NPC1L1: variants seen among roughly 807,000 people sequenced by gnomAD.
NPC1L1 encodes NPC1-like intracellular cholesterol transporter 1.
A neutral mutation model predicts 117.0 loss-of-function variants in NPC1L1; 98 were observed. That is an observed-to-expected ratio of 0.84 (90% confidence interval 0.71 to 0.99). The LOEUF is 0.99. NPC1L1 is among the 50% of genes least tolerant of loss of function. NPC1L1 has a pLI of 0.00. For missense variants in NPC1L1, 1,540 were observed against 1,710.0 expected (o/e 0.90, Z 1.75); for synonymous variants, 729 against 727.6 (o/e 1.00, Z -0.03).
intron 14 of NPC1L1, 103 bp from the exon 15 acceptor site, chr7:44,517,460 G>T: frequency 7.1e-7 from 1 of 1,407,712 alleles, no homozygotes; most frequent in Non-Finnish European, 9.9e-7. Context: ...ATGTGATCAA[G>T]CGGGGTTCAG....
chr7:44,531,896 T>C, intron 9 of NPC1L1, 52 bp from the exon 10 acceptor site: 1 of 1,537,660 alleles, frequency 6.5e-7, no homozygotes, highest in Non-Finnish European at 8.8e-7. Context: ...CCGTCCCCCA[T>C]CTCCCCACAA....
At chr7:44,526,546 C>CAAAAAAA (rs372498105) in intron 10 of NPC1L1, among the ~76,000 whole-genome samples, 17 of 68,346 alleles carry the variant, frequency 2.5e-4, no homozygotes, top group African/African-American at 1.2e-3. Flanking sequence ...GACTCCATCT[C>CAAAAAAA]AAAAAAAAAA....
At position 44,515,980 on chromosome 7, in the gene NPC1L1, G is replaced by C; in HGVS notation, c.3634-15C>G. ...CCTGCAAACACCTGGGGGGTTCAGA[G>C]CCAGGTGTCAGGCAGGGCACAGGGC... On this transcript the variant is annotated splice_polypyrimidine_tract_variant and intron_variant, in intron 17 of 18. Transcript: ENST00000381160. 1 of 1,613,418 alleles carries C rather than the reference G, an allele frequency of 6.2e-7. No homozygotes were observed. Among genetic ancestry groups the C allele is most frequent in the Non-Finnish European group, 8.5e-7 (1 of 1,179,690 alleles).
intron 14 of NPC1L1, among the ~76,000 whole-genome samples, chr7:44,520,209 A>G (rs1453290796): frequency 1.3e-5 from 2 of 151,710 alleles, no homozygotes; most frequent in African/African-American, 2.4e-5. Context: ...GAACCCGGAA[A>G]GTGGAGGTTG....
Position 44,535,978 on chromosome 7 carries a change from C to T in NPC1L1, c.1855-10G>A, listed in dbSNP as rs144968684. ...CGTCTTCCAGAGAGCGCTGTGGACA[C>T]ACACCCGACCAGCCCCCACTGACCG... On this transcript the variant is annotated splice_polypyrimidine_tract_variant and intron_variant, in intron 4 of 18. Coordinates refer to ENST00000381160, the MANE Select transcript of NPC1L1 (RefSeq NM_001101648.2). 1.0e-4 allele frequency: 161 copies of T among 1,612,748 alleles called. No homozygotes were observed. Among genetic ancestry groups the T allele is most frequent in the Non-Finnish European group, 1.3e-4 (155 of 1,179,986 alleles).
In NPC1L1 at chr7:44,534,739, G is replaced by A; in HGVS notation, c.1984-110C>T. ...CCGGCAGGCACCCTCAGTGCCTGCA[G>A]GTGCCCGATACTGCCCCCAGTGGTG... On this transcript the variant is annotated intron_variant, in intron 5 of 18. Coordinates refer to ENST00000381160, the MANE Select transcript of NPC1L1 (RefSeq NM_001101648.2). The surrounding 1 kb of genome is among the most constrained non-coding windows in gnomAD (Gnocchi z 5.2). 1 of 1,127,852 alleles carries A rather than the reference G, an allele frequency of 8.9e-7. No homozygotes were observed. The highest frequency in any genetic ancestry group is 1.3e-6 in the Non-Finnish European group (1 of 767,834). 69.9% of individuals were successfully genotyped at this position (1,127,852 alleles called of 1,614,324 possible).
At chr7:44,535,285 A>ACCCAGGAG (rs923687012) in intron 5 of NPC1L1, among the ~76,000 whole-genome samples, 26 of 151,784 alleles carry the variant, frequency 1.7e-4, no homozygotes, top group Admixed American at 7.9e-4. Flanking sequence ...CAATTGTTGA[A>ACCCAGGAG]CCCAGGAGGC....
chr7:44,524,874 TAAAAAAGAGCAA>T (rs1463890295), intron 10 of NPC1L1, among the ~76,000 whole-genome samples: 6 of 151,274 alleles, frequency 4.0e-5, no homozygotes, highest in Non-Finnish European at 8.8e-5. Context: ...GGAGGAAACA[TAAAAAAGAGCAA>T]AAAAACTCTG....
rs768170254 is a variant in NPC1L1, at chr7:44,520,952, CA to C, written c.3080+39del. ...ATATTCAACCCCATCCTGTGTCCCACATGTCTGTCCTCCCCAGCAGAAGGCC... is the reference window on the plus strand; with the variant it reads ...ATATTCAACCCCATCCTGTGTCCCACTGTCTGTCCTCCCCAGCAGAAGGCC... On this transcript the variant is annotated intron_variant, in intron 13 of 18. Transcript: ENST00000381160. 2.5e-6 allele frequency: 4 copies of C among 1,614,196 alleles called. No individual in the cohort carries two copies. In the South Asian group the frequency reaches 4.4e-5, roughly 18 times the overall value.
rs1356039090 is a variant in NPC1L1, at chr7:44,536,502, C to T, written c.1682-74G>A. On this transcript the variant is annotated intron_variant, in intron 3 of 18. Coordinates refer to ENST00000381160, the MANE Select transcript of NPC1L1 (RefSeq NM_001101648.2). The surrounding 1 kb of genome is among the most constrained non-coding windows in gnomAD (Gnocchi z 4.7). ...CCCCCTCCAGCTGCACCCCTATATT[C>T]CCTCCCCCTATCTAGCTGCACCCCT... 6.7e-7 allele frequency: 1 copy of T among 1,501,898 alleles called. No homozygotes were observed. Among genetic ancestry groups the T allele is most frequent in the East Asian group, 2.3e-5 (1 of 43,956 alleles). The allele number at this position is 1,501,898 out of a possible 1,614,324, so 93.0% of individuals were successfully genotyped here. A position where few individuals can be genotyped will look rare whatever the true frequency, so the allele number is the denominator to read the frequency against.
chr7:44,531,973 G>A, intron 9 of NPC1L1, 107 bp downstream of exon 9: 1 of 1,556,492 alleles, frequency 6.4e-7, no homozygotes, highest in Non-Finnish European at 8.8e-7. Flanking sequence ...CCAGCCCCAA[G>A]TATCAGCATT....
intron 5 of NPC1L1, 63 bp downstream of exon 5, chr7:44,535,777 G>T (rs1412728668): frequency 1.2e-6 from 2 of 1,608,266 alleles, no homozygotes; most frequent in Non-Finnish European, 1.7e-6. Context: ...GTTGTAGAAG[G>T]CCTACTGAAG....
Position 44,531,736 on chromosome 7 carries a change from G to A in NPC1L1, c.2637+19C>T. ...CCCAAATCCCAGGGGCCTAAGGGTT[G>A]AGAAGGGCCTGGGCTCACCTTGGGC... On this transcript the variant is annotated intron_variant, in intron 10 of 18. Transcript: ENST00000381160. 6.4e-7 allele frequency: 1 copy of A among 1,557,598 alleles called. No individual in the cohort carries two copies. The highest frequency in any genetic ancestry group is 8.7e-7 in the Non-Finnish European group (1 of 1,150,040).
At chr7:44,537,446 G>C (rs1169060480) in intron 2 of NPC1L1, among the ~76,000 whole-genome samples, 1 of 152,116 alleles carries the variant, frequency 6.6e-6, no homozygotes, top group Non-Finnish European at 1.5e-5. Context: ...AACCCTTTAG[G>C]TATTGAGGTT....
In NPC1L1 at chr7:44,540,236, T is replaced by C. The variant is rs376658110; in HGVS notation, c.161A>G (p.Asn54Ser). 4 of 1,613,640 alleles carry C rather than the reference T, an allele frequency of 2.5e-6. No individual in the cohort carries two copies. Among genetic ancestry groups the C allele is most frequent in the Admixed American group, 1.7e-5 (1 of 59,984 alleles). Residue 54 changes from asparagine to serine, a missense_variant, in exon 2 of 19, where the codon AAC becomes AGC. Physicochemically the swap from Asn to Ser is conservative, Grantham distance 46. This residue lies in a region of NPC1L1 where 793 missense variants were observed against 820.4 expected (regional missense o/e 0.97). Transcript: ENST00000381160. ...CGGCGTGTTGGACAGGCAGGACACG[T>C]TGGAGAGTGTCATGAGGCTTCCAGA... ...ELSGSLMTLSNVSCLSNTPAR... is the reference protein window; with the variant it reads ...ELSGSLMTLSSVSCLSNTPAR...
rs1801878156 is a variant in NPC1L1 at position 44,536,010 on chromosome 7, C to G, written c.1855-42G>C. ...GACCAGCCCCCACTGACCGTGCCTGCTTCAGCCAGGCCAGCTCTCAATAGC... is the reference window on the plus strand; with the variant it reads ...GACCAGCCCCCACTGACCGTGCCTGGTTCAGCCAGGCCAGCTCTCAATAGC... On this transcript the variant is annotated intron_variant, in intron 4 of 18. Transcript: ENST00000381160. This position sits in a 1 kb window ranked among gnomAD's most constrained non-coding sequence, Gnocchi z 4.7. 6.2e-7 allele frequency: 1 copy of G among 1,612,134 alleles called. No individual in the cohort carries two copies. Among genetic ancestry groups the G allele is most frequent in the Non-Finnish European group, 8.5e-7 (1 of 1,179,854 alleles).
Position 44,539,192 on chromosome 7 carries a change from C to A in NPC1L1, c.1205G>T (p.Gly402Val). The change falls in exon 2 of 19, where the codon GGC becomes GTC. Residue 402 changes from glycine (G) to valine (V), a missense_variant. By Grantham distance (109) the Gly-to-Val change is moderately radical (BLOSUM62 -3). Around this residue, in one of 3 missense-constraint regions of NPC1L1, gnomAD observed 793 missense variants for 820.4 expected, o/e 0.97. Transcript: ENST00000381160. This position sits in a 1 kb window ranked among gnomAD's most constrained non-coding sequence, Gnocchi z 4.4. ...SEKAFHDQHF[G>V]PFFRTNQVIL... ...CACCTGGTTGGTTCGGAAGAAGGGG[C>A]CGAAATGCTGGTCATGGAAAGCTTT... The A allele has an allele frequency of 1.9e-6, 3 of 1,614,092 alleles. No homozygotes were observed. The highest frequency in any genetic ancestry group is 2.5e-6 in the Non-Finnish European group (3 of 1,180,042).
In NPC1L1 at chr7:44,538,904, C is replaced by T. The variant is rs79573011; in HGVS notation, c.1493G>A (p.Arg498His). ...NSLLQYFQNNRTLLLLTANQT... is the reference protein window; with the variant it reads ...NSLLQYFQNNHTLLLLTANQT... ...GTTGGCTGTGAGCAGCAGGAGCGTG[C>T]GGTTGTTCTGGAAATACTGCAGGAG... is the stretch of plus-strand genomic sequence containing the variant. The change falls in exon 2 of 19, where the codon CGC becomes CAC. Residue 498 changes from arginine to histidine, a missense_variant. By Grantham distance (29) the Arg-to-His change is conservative (BLOSUM62 0). Transcript: ENST00000381160. The surrounding 1 kb of genome is among the most constrained non-coding windows in gnomAD (Gnocchi z 5.9). 1.3e-3 allele frequency: 2,162 copies of T among 1,614,128 alleles called. 2 individuals carry two copies. The highest frequency in any genetic ancestry group is 1.6e-3 in the Non-Finnish European group (1,927 of 1,180,008).
intron 1 of NPC1L1, 30 bp from the exon 2 acceptor site, chr7:44,540,372 C>A: frequency 1.3e-6 from 2 of 1,599,578 alleles, no homozygotes; most frequent in Non-Finnish European, 1.7e-6. Context: ...CACGCGTGGG[C>A]CCTGACACAG....
Sources: allele counts gnomAD v4.1 joint callset (sites outside exome capture counted in the v4.1 genomes callset), GRCh38; gene constraint gnomAD v4.1.1; regional missense constraint gnomAD v4.1.1; non-coding constraint Gnocchi (gnomAD v3.1); transcripts MANE v1.5; gene names NCBI Gene and HGNC (gene_info 2026-07-23, HGNC 2026-07-21).